Variants in PTTG1IP2 observed in about 807,000 individuals in gnomAD.
PTTG1IP2 encodes PTTG1IP family member 2.
chr7:90,477,695 C>T (rs1797765137), intron 1 of PTTG1IP2, among the ~76,000 whole-genome samples: 1 of 152,016 alleles, frequency 6.6e-6, no homozygotes, highest in Non-Finnish European at 1.5e-5. Context: ...AGGAGAAGGA[C>T]GTTAGTGTAG....
At chr7:90,487,845 C>T (rs1397916204) in intron 3 of PTTG1IP2, among the ~76,000 whole-genome samples, 4 of 152,084 alleles carry the variant, frequency 2.6e-5, no homozygotes, top group Non-Finnish European at 4.4e-5. Context: ...ATTCTTATGT[C>T]ATTTTAGGAA....
chr7:90,491,890 G>A (rs1344445839), intron 4 of PTTG1IP2, among the ~76,000 whole-genome samples: 2 of 151,332 alleles, frequency 1.3e-5, no homozygotes, highest in Non-Finnish European at 3.0e-5. Flanking sequence ...TAACATTTTG[G>A]GAGGCCGAAG....
chr7:90,491,995 G>A (rs1386741018), intron 4 of PTTG1IP2, among the ~76,000 whole-genome samples: 6 of 152,088 alleles, frequency 3.9e-5, no homozygotes, highest in African/African-American at 7.2e-5. Flanking sequence ...GCTGGGTATG[G>A]TGGTGAGTGC....
At chr7:90,497,979 T>C (rs879452897) in intron 6 of PTTG1IP2, among the ~76,000 whole-genome samples, 5 of 152,164 alleles carry the variant, frequency 3.3e-5, no homozygotes, top group Non-Finnish European at 5.9e-5. Flanking sequence ...ATATATTTTG[T>C]TGAGTGCATG....
chr7:90,510,894 T>C (rs79179720), intron 6 of PTTG1IP2, among the ~76,000 whole-genome samples: 1,566 of 152,310 alleles, frequency 0.01, 24 homozygotes, highest in African/African-American at 0.034. Flanking sequence ...ATGTGGTGCT[T>C]AAAAACTTGG....
At chr7:90,512,357 T>C (rs1216409088) in intron 6 of PTTG1IP2, among the ~76,000 whole-genome samples, 1 of 152,022 alleles carries the variant, frequency 6.6e-6, no homozygotes, top group Non-Finnish European at 1.5e-5. Context: ...GGGTGGAGAA[T>C]GTACTTGCAA....
chr7:90,489,476 C>T (rs1797915009), intron 4 of PTTG1IP2, among the ~76,000 whole-genome samples: 1 of 151,454 alleles, frequency 6.6e-6, no homozygotes, highest in African/African-American at 2.4e-5. Context: ...AATTTAATTC[C>T]TTGTTTCTAT....
intron 6 of PTTG1IP2, among the ~76,000 whole-genome samples, chr7:90,503,880 G>T (rs766594829): frequency 2.0e-5 from 3 of 152,160 alleles, no homozygotes; most frequent in Non-Finnish European, 2.9e-5. Flanking sequence ...TGGAAAAATG[G>T]TGCCGACACA....
intron 2 of PTTG1IP2, among the ~76,000 whole-genome samples, chr7:90,481,756 A>G (rs2116061099): frequency 6.6e-6 from 1 of 152,070 alleles, no homozygotes; most frequent in Middle Eastern, 3.4e-3. Context: ...TTTTATGTTC[A>G]CCTTCCCCTT....
chr7:90,493,956 T>C (rs999479416), intron 5 of PTTG1IP2, among the ~76,000 whole-genome samples: 2 of 152,242 alleles, frequency 1.3e-5, no homozygotes, highest in African/African-American at 2.4e-5. Flanking sequence ...TAAAATGTTC[T>C]GTACACTGCG....
At chr7:90,503,437 T>G (rs547639211) in intron 6 of PTTG1IP2, among the ~76,000 whole-genome samples, 9 of 152,260 alleles carry the variant, frequency 5.9e-5, no homozygotes, top group African/African-American at 2.2e-4. Context: ...TTTGGCTGTT[T>G]GGCACAAGAG....
At chr7:90,495,358 T>C (rs1029748371) in intron 6 of PTTG1IP2, among the ~76,000 whole-genome samples, 1 of 152,230 alleles carries the variant, frequency 6.6e-6, no homozygotes, top group Admixed American at 6.5e-5. Flanking sequence ...ACCCAACACC[T>C]CTTCCAGTGC....
At chr7:90,477,500 C>T (rs115381682) in intron 1 of PTTG1IP2, among the ~76,000 whole-genome samples, 1,565 of 152,296 alleles carry the variant, frequency 0.01, 24 homozygotes, top group African/African-American at 0.034. Flanking sequence ...CTTTTTCCAT[C>T]TAATCAGGAG....
intron 6 of PTTG1IP2, among the ~76,000 whole-genome samples, chr7:90,508,163 G>A (rs552012685): frequency 1.3e-5 from 2 of 151,672 alleles, no homozygotes; most frequent in African/African-American, 4.8e-5. Context: ...GTGACTTGGG[G>A]GGCTGAGGTG....
intron 2 of PTTG1IP2, among the ~76,000 whole-genome samples, chr7:90,486,393 A>G (rs1176840061): frequency 1.4e-5 from 2 of 146,634 alleles, no homozygotes; most frequent in Non-Finnish European, 3.0e-5. Context: ...TATATATATA[A>G]AGGACTTAGA....
rs555592871 is a variant in PTTG1IP2, at chr7:90,496,867, T to C, written c.*50+2437T>C. 3.9e-5 allele frequency among the ~76,000 whole-genome samples: 6 copies of C among 152,318 alleles called. No individual in the cohort carries two copies. The South Asian group carries it at 1.2e-3, about 32-fold the overall frequency. On this transcript the variant is annotated intron_variant, in intron 6 of 6. Coordinates refer to ENST00000509356, the MANE Select transcript of PTTG1IP2 (RefSeq NM_001365443.2). ...TAAGAATTACTTTTGCTGCATCCCA[T>C]AAATTTTAGTATATTGTGTTTTAAT...
chr7:90,485,808 A>C (rs894282551), intron 2 of PTTG1IP2, among the ~76,000 whole-genome samples: 1 of 152,176 alleles, frequency 6.6e-6, no homozygotes, highest in Non-Finnish European at 1.5e-5. Flanking sequence ...CTTAGCTGCA[A>C]GTTCAGGTTT....
intron 6 of PTTG1IP2, among the ~76,000 whole-genome samples, chr7:90,510,690 C>A (rs989577789): frequency 6.6e-6 from 1 of 152,110 alleles, no homozygotes; most frequent in Admixed American, 6.5e-5. Context: ...AGTTCAAGAA[C>A]TTTTATTATA....
At chr7:90,492,043 A>T (rs1018917355) in intron 4 of PTTG1IP2, among the ~76,000 whole-genome samples, 196 bp from the exon 5 acceptor site, 1 of 152,120 alleles carries the variant, frequency 6.6e-6, no homozygotes, top group Non-Finnish European at 1.5e-5. Flanking sequence ...AGGAACAAGA[A>T]TTGCTTGAAC....
Sources: allele counts gnomAD v4.1 joint callset (sites outside exome capture counted in the v4.1 genomes callset), GRCh38; gene constraint gnomAD v4.1.1; transcripts MANE v1.5; gene names NCBI Gene and HGNC (gene_info 2026-07-23, HGNC 2026-07-21).